Variants in PREP observed in about 807,000 individuals in gnomAD.
PREP encodes the protein dJ355L5.1 (prolyl endopeptidase).
In PREP, 29 loss-of-function variants were observed where a neutral mutation model predicts 87.6. The observed-to-expected ratio is 0.33, with a 90% CI of 0.25 to 0.45. The LOEUF (loss-of-function observed/expected upper bound fraction) is 0.45, where lower values mean the gene tolerates loss of function less well. Ranked by LOEUF, PREP falls within the 20% of genes least tolerant of loss-of-function variation. PREP has a pLI of 1.00. For missense variants in PREP, 695 were observed against 886.5 expected (o/e 0.78, Z 2.74); for synonymous variants, 337 against 328.6 (o/e 1.03, Z -0.28).
Position 105,273,967 on chromosome 6 carries a change from G to A in PREP, c.*4177C>T, listed in dbSNP as rs914986178. 4.6e-5 allele frequency among the ~76,000 whole-genome samples: 7 copies of A among 152,170 alleles called. No homozygotes were observed. The highest frequency in any genetic ancestry group is 9.7e-5 in the African/African-American group (4 of 41,442). ...TTCCTGAAAGAGGCACCCTGACCTC[G>A]ACTCAAATAGCATTCCTTCTCACGG... On this transcript the variant is annotated 3_prime_UTR_variant, in exon 15 of 15. Coordinates refer to ENST00000652536, the MANE Select transcript of PREP (RefSeq NM_002726.5).
intron 7 of PREP, among the ~76,000 whole-genome samples, chr6:105,343,437 T>C (rs541889675): frequency 2.0e-5 from 3 of 152,282 alleles, no homozygotes; most frequent in Non-Finnish European, 4.4e-5. Context: ...GAAGAAAACC[T>C]AGGCAATACC....
chr6:105,342,595 C>T (rs185660960), intron 7 of PREP, among the ~76,000 whole-genome samples: 383 of 152,286 alleles, frequency 2.5e-3, no homozygotes, highest in Non-Finnish European at 3.9e-3. Context: ...GTCAAAATAT[C>T]CCTGTTTGCA....
intron 6 of PREP, among the ~76,000 whole-genome samples, chr6:105,362,830 T>C (rs1403913293): frequency 2.0e-5 from 3 of 152,170 alleles, no homozygotes; most frequent in African/African-American, 7.2e-5. Flanking sequence ...GAGCAATTAC[T>C]GGTCCAAGTC....
chr6:105,354,717 C>T (rs530165272), intron 6 of PREP, among the ~76,000 whole-genome samples: 44 of 152,240 alleles, frequency 2.9e-4, no homozygotes, highest in African/African-American at 1.0e-3. Context: ...AGTCTCCAGC[C>T]TGTGGGCCTA....
At chr6:105,327,936 G>T (rs894780788) in intron 9 of PREP, among the ~76,000 whole-genome samples, 1 of 152,056 alleles carries the variant, frequency 6.6e-6, no homozygotes, top group Admixed American at 6.5e-5. Context: ...AAAGCAAAAT[G>T]AATGTGACCA....
intron 4 of PREP, among the ~76,000 whole-genome samples, chr6:105,375,724 A>G (rs973163231): frequency 1.3e-5 from 2 of 152,252 alleles, no homozygotes; most frequent in African/African-American, 4.8e-5. Context: ...TCTGATAAAC[A>G]TTCTTTCCTG....
chr6:105,389,831 G>GATT (rs1457069014), intron 2 of PREP, among the ~76,000 whole-genome samples: 3 of 152,184 alleles, frequency 2.0e-5, no homozygotes, highest in Admixed American at 6.5e-5. Flanking sequence ...ATTGACACCA[G>GATT]AAAGAACAGA....
At chr6:105,305,919 G>A (rs575015720) in intron 10 of PREP, among the ~76,000 whole-genome samples, 31 of 151,464 alleles carry the variant, frequency 2.0e-4, no homozygotes, top group Non-Finnish European at 3.5e-4. Context: ...TAGCTCACTT[G>A]CAGCCTCAAA....
At chr6:105,295,892 C>T (rs1194359081) in intron 10 of PREP, among the ~76,000 whole-genome samples, 1 of 152,192 alleles carries the variant, frequency 6.6e-6, no homozygotes, top group African/African-American at 2.4e-5. Context: ...TAACCATTTT[C>T]TCATTGATAT....
At position 105,323,101 on chromosome 6, in the gene PREP, C is replaced by A. The variant is rs1000319046; in HGVS notation, c.1317+564G>T. 1.2e-5 allele frequency: 16 copies of A among 1,303,948 alleles called. No individual in the cohort carries two copies. In the African/African-American group the frequency reaches 2.4e-4, roughly 20 times the overall value. 80.8% of individuals were successfully genotyped at this position (1,303,948 alleles called of 1,614,324 possible). A position where few individuals can be genotyped will look rare whatever the true frequency, so the allele number is the denominator to read the frequency against. On this transcript the variant is annotated intron_variant, in intron 10 of 14. Coordinates refer to ENST00000652536, the MANE Select transcript of PREP (RefSeq NM_002726.5). ...GATTCAGTTTCTGGAAGACTCAGTA[C>A]CCTTGGGGAGCTGAAAAAACAAAAA...
chr6:105,289,299 C>G (rs9500079), intron 10 of PREP, among the ~76,000 whole-genome samples: 5,873 of 152,272 alleles, frequency 0.039, 291 homozygotes, highest in African/African-American at 0.12. Flanking sequence ...GGGAGGGGCA[C>G]ATTTGCCATC....
chr6:105,282,655 A>ATGAT (rs1244076962), intron 12 of PREP, 73 bp from the exon 13 acceptor site: 46 of 1,524,446 alleles, frequency 3.0e-5, no homozygotes, highest in Admixed American at 1.1e-4. Flanking sequence ...GGGAATTCAA[A>ATGAT]TGATAGAGCA....
chr6:105,395,707 G>A (rs1040426459), intron 2 of PREP, among the ~76,000 whole-genome samples: 4 of 152,124 alleles, frequency 2.6e-5, no homozygotes, highest in Non-Finnish European at 5.9e-5. Flanking sequence ...ATCAACTAAG[G>A]AACAGCAAAG....
At chr6:105,380,287 T>A (rs746456926) in intron 2 of PREP, among the ~76,000 whole-genome samples, 6 of 152,134 alleles carry the variant, frequency 3.9e-5, no homozygotes, top group Non-Finnish European at 8.8e-5. Flanking sequence ...GGGGAATAAC[T>A]TGGCAGGTGT....
Position 105,394,992 on chromosome 6 carries a change from C to G in PREP, c.120+2861G>C, listed in dbSNP as rs113985122. On this transcript the variant is annotated intron_variant, in intron 2 of 14. Transcript: ENST00000652536. ...GTAATAGTGAAAAGTTGAAAACAAT[C>G]ATTTCCAACAGAAGTCATTAGGCAT... Among the ~76,000 whole-genome samples, 806 of 152,246 alleles carry G rather than the reference C, an allele frequency of 5.3e-3. 6 individuals are homozygous for G. The highest frequency in any genetic ancestry group is 0.017 in the African/African-American group (715 of 41,530).
Position 105,276,906 on chromosome 6 carries a change from G to A in PREP, c.*1238C>T, listed in dbSNP as rs750731346. ...TTACTTGGAAAAGTACAAATTATTG[G>A]AATAATGAAGTAATCTTTTAAGCTA... On this transcript the variant is annotated 3_prime_UTR_variant, in exon 15 of 15. Transcript: ENST00000652536. Among the ~76,000 whole-genome samples, 1 of 151,970 alleles carries A rather than the reference G, an allele frequency of 6.6e-6. No homozygotes were observed. Among genetic ancestry groups the A allele is most frequent in the Non-Finnish European group, 1.5e-5 (1 of 68,006 alleles).
intron 4 of PREP, among the ~76,000 whole-genome samples, chr6:105,375,620 C>T (rs1583093893): frequency 6.6e-6 from 1 of 152,188 alleles, no homozygotes; most frequent in East Asian, 1.9e-4. Context: ...TCAATTTCTA[C>T]AAGATTTGTG....
intron 6 of PREP, among the ~76,000 whole-genome samples, chr6:105,366,422 T>C (rs980849966): frequency 1.3e-5 from 2 of 152,192 alleles, no homozygotes; most frequent in Non-Finnish European, 2.9e-5. Context: ...ATAATTACCC[T>C]AGTAGGTATT....
At chr6:105,402,740 G>C in intron 1 of PREP, 107 bp downstream of exon 1, 1 of 1,059,986 alleles carries the variant, frequency 9.4e-7, no homozygotes, top group Non-Finnish European at 1.3e-6. Context: ...GGAGGGGAGG[G>C]ACGCGGGGGT....
Sources: gnomAD v4.1 joint callset for allele counts (sites outside exome capture counted in the v4.1 genomes callset) on GRCh38, gnomAD v4.1.1 for gene constraint, MANE v1.5 for transcripts, NCBI Gene and HGNC (gene_info 2026-07-23, HGNC 2026-07-21) for gene names.